JAML: variants seen among roughly 807,000 people sequenced by gnomAD.
JAML encodes junctional adhesion molecule-like.
A neutral mutation model predicts 39.3 loss-of-function variants in JAML; 25 were observed. The observed-to-expected ratio is 0.64, with a 90% CI of 0.46 to 0.89. The LOEUF (loss-of-function observed/expected upper bound fraction) is 0.89. Among genes scored for constraint, JAML ranks in the 40% least tolerant of loss-of-function variants. The pLI, the probability that JAML is intolerant of heterozygous loss-of-function variation, is 0.00. For synonymous variants in JAML, 162 were observed against 179.2 expected, an observed-to-expected ratio of 0.90 and a Z score of 0.77; for missense variants, 440 against 486.9, an observed-to-expected ratio of 0.90 and a Z score of 0.91.
chr11:118,221,809 A>G (rs1192018981), intron 1 of JAML, among the ~76,000 whole-genome samples: 1 of 152,054 alleles, frequency 6.6e-6, no homozygotes, highest in Non-Finnish European at 1.5e-5. Flanking sequence ...AGAGCTCCTA[A>G]TTTCCTGTCT....
chr11:118,209,709 A>AT (rs1186377702), intron 4 of JAML, among the ~76,000 whole-genome samples: 2 of 145,840 alleles, frequency 1.4e-5, no homozygotes, highest in Admixed American at 1.4e-4. Flanking sequence ...TTTTTTTTTT[A>AT]TTTTTTATTT....
At chr11:118,218,444 T>A (rs1007988338) in intron 1 of JAML, among the ~76,000 whole-genome samples, 1 of 152,208 alleles carries the variant, frequency 6.6e-6, no homozygotes, top group African/African-American at 2.4e-5. Flanking sequence ...TGGGCCACTA[T>A]GTCTAATTAT....
intron 2 of JAML, among the ~76,000 whole-genome samples, chr11:118,214,166 G>A (rs1054280571): frequency 6.6e-6 from 1 of 152,194 alleles, no homozygotes; most frequent in Admixed American, 6.5e-5. Context: ...AGGCATGGGG[G>A]AAAAGGATGA....
At chr11:118,211,792 C>A (rs572265365) in intron 3 of JAML, among the ~76,000 whole-genome samples, 1 of 152,112 alleles carries the variant, frequency 6.6e-6, no homozygotes, top group Non-Finnish European at 1.5e-5. Context: ...ATACACTGTT[C>A]CTCACTCCAA....
At position 118,198,043 on chromosome 11, in the gene JAML, T is replaced by C. The variant is rs1353680547; in HGVS notation, c.960A>G (p.Pro320=). The C allele has an allele frequency of 7.4e-6, 12 of 1,614,206 alleles. No individual in the cohort carries two copies. The highest frequency in any genetic ancestry group is 1.0e-5 in the Non-Finnish European group (12 of 1,180,004). ...VLVKNTKKTN[P]EIKEKPCHFE... ...AATGGCAGGGTTTTTCTTTTATCTC[T>C]GGATTAGTCTTCTTCGTGTTCTTCA... is the stretch of plus-strand genomic sequence containing the variant. Residue 320 remains proline (P), a synonymous_variant, in exon 8 of 10, where the codon CCA becomes CCG. Coordinates refer to ENST00000356289, the MANE Select transcript of JAML (RefSeq NM_001098526.2).
chr11:118,221,619 G>A (rs887421493), intron 1 of JAML, among the ~76,000 whole-genome samples: 9 of 152,212 alleles, frequency 5.9e-5, no homozygotes, highest in African/African-American at 1.7e-4. Context: ...CCTGCTGAGC[G>A]GTTCGGTTCC....
intron 7 of JAML, among the ~76,000 whole-genome samples, 189 bp downstream of exon 7, chr11:118,200,285 A>G (rs1225229544): frequency 1.3e-5 from 2 of 152,178 alleles, no homozygotes; most frequent in Non-Finnish European, 2.9e-5. Flanking sequence ...AGGAGAGCGT[A>G]GGAATATTAA....
Position 118,222,635 on chromosome 11 carries a change from A to AT in JAML, c.-21+2305dup, listed in dbSNP as rs1379545902. Among the ~76,000 whole-genome samples, 2 of 152,238 alleles carry AT rather than the reference A, an allele frequency of 1.3e-5. No homozygotes were observed. The highest frequency in any genetic ancestry group is 2.9e-5 in the Non-Finnish European group (2 of 68,038). ...TCTTTTAGGTCACGTGACTCTAATG[A>AT]TTTTTAAACATAAAGACAGTGTAAA... On this transcript the variant is annotated intron_variant, in intron 1 of 9. Coordinates refer to ENST00000356289, the MANE Select transcript of JAML (RefSeq NM_001098526.2). The surrounding 1 kb of genome is among the most constrained non-coding windows in gnomAD (Gnocchi z 4.2).
intron 3 of JAML, 122 bp downstream of exon 3, chr11:118,212,285 C>A: frequency 7.9e-7 from 1 of 1,269,872 alleles, no homozygotes. Flanking sequence ...TTCTGATAAT[C>A]TCCAAAGCCC....
chr11:118,204,795 G>A (rs879274875), intron 5 of JAML: 1 of 151,912 alleles, frequency 6.6e-6, no homozygotes, highest in Non-Finnish European at 1.5e-5. Context: ...TCAGGACTGG[G>A]GCTTTAAGTA....
intron 6 of JAML, chr11:118,200,861 T>C (rs1948778496): frequency 2.6e-6 from 1 of 383,814 alleles, no homozygotes; most frequent in African/African-American, 2.0e-5. Context: ...TCTAGTAAAG[T>C]TTCCTTTCAC....
Position 118,214,904 on chromosome 11 carries a change from A to G in JAML, c.-20-18T>C. 6.2e-7 allele frequency: 1 copy of G among 1,602,232 alleles called. No individual in the cohort carries two copies. The highest frequency in any genetic ancestry group is 8.5e-7 in the Non-Finnish European group (1 of 1,169,666). ...TTTCAAATCTTAAGATAAAAGAACA[A>G]AAATCACAAAATCATGTCAAGAGAA... On this transcript the variant is annotated intron_variant, in intron 1 of 9. Transcript: ENST00000356289.
chr11:118,205,574 T>C (rs1278903670), intron 5 of JAML: 2 of 313,080 alleles, frequency 6.4e-6, no homozygotes, highest in African/African-American at 2.1e-5. Context: ...TCCCATGGAC[T>C]CTATACGAAG....
chr11:118,222,134 G>A lies in JAML; in HGVS notation c.-21+2807C>T, dbSNP rs1393928010. Among the ~76,000 whole-genome samples, 1 of 150,892 alleles carries A rather than the reference G, an allele frequency of 6.6e-6. No individual in the cohort carries two copies. The highest frequency in any genetic ancestry group is 2.0e-4 in the East Asian group (1 of 5,112). Reference sequence around the variant, plus strand: ...AGATATTGTTTTAAAAGCCCCTGCTGGCCAGGCACAGTGGCTTATGCCTAT... The same window carrying A: ...AGATATTGTTTTAAAAGCCCCTGCTAGCCAGGCACAGTGGCTTATGCCTAT... On this transcript the variant is annotated intron_variant, in intron 1 of 9. Transcript: ENST00000356289. This position sits in a 1 kb window ranked among gnomAD's most constrained non-coding sequence, Gnocchi z 4.2.
At chr11:118,200,132 G>A (rs1682442084) in intron 7 of JAML, among the ~76,000 whole-genome samples, 1 of 152,188 alleles carries the variant, frequency 6.6e-6, no homozygotes, top group South Asian at 2.1e-4. Flanking sequence ...GGAACGTACA[G>A]TATGGATAAT....
At chr11:118,197,968 T>TGCA in intron 8 of JAML, 30 bp downstream of exon 8, 1 of 1,594,354 alleles carries the variant, frequency 6.3e-7, no homozygotes, top group Non-Finnish European at 8.6e-7. Flanking sequence ...CTGCATCTAC[T>TGCA]TAGTGTTTTA....
At chr11:118,208,645 C>A (rs1472055972) in intron 4 of JAML, among the ~76,000 whole-genome samples, 1 of 152,228 alleles carries the variant, frequency 6.6e-6, no homozygotes, top group Non-Finnish European at 1.5e-5. Flanking sequence ...TCCCTAACTA[C>A]ATTGCAAGCT....
intron 1 of JAML, among the ~76,000 whole-genome samples, chr11:118,218,032 T>C (rs1220980363): frequency 4.6e-5 from 7 of 152,236 alleles, no homozygotes; most frequent in African/African-American, 1.7e-4. Context: ...TCAAGTTAAA[T>C]ATCATTTCCT....
At chr11:118,200,708 G>T in intron 6 of JAML, 96 bp from the exon 7 acceptor site, 1 of 1,433,572 alleles carries the variant, frequency 7.0e-7, no homozygotes, top group South Asian at 1.2e-5. Context: ...GCCAGGCCAC[G>T]AAGCGGAGGG....
Sources: allele counts gnomAD v4.1 joint callset (sites outside exome capture counted in the v4.1 genomes callset), GRCh38; gene constraint gnomAD v4.1.1; non-coding constraint Gnocchi (gnomAD v3.1); transcripts MANE v1.5; gene names NCBI Gene and HGNC (gene_info 2026-07-23, HGNC 2026-07-21).